DAG1: variants seen among roughly 807,000 people sequenced by gnomAD.
DAG1 encodes the protein dystroglycan 1 (dystrophin-associated glycoprotein 1).
In DAG1, 8 loss-of-function variants were observed where a neutral mutation model predicts 46.1. The observed-to-expected ratio is 0.17, with a 90% CI of 0.10 to 0.31. The LOEUF (loss-of-function observed/expected upper bound fraction) is 0.31, where lower values mean the gene tolerates loss of function less well. DAG1 is among the 10% of genes least tolerant of loss of function. The pLI is 1.00. For synonymous variants in DAG1, 495 were observed against 481.8 expected, an observed-to-expected ratio of 1.03 and a Z score of -0.36; for missense variants, 1,003 against 1,189.9, an observed-to-expected ratio of 0.84 and a Z score of 2.31.
At chr3:49,503,705 G>A (rs890228459) in intron 1 of DAG1, among the ~76,000 whole-genome samples, 2 of 152,052 alleles carry the variant, frequency 1.3e-5, no homozygotes, top group Non-Finnish European at 2.9e-5. Context: ...GCACATGCCT[G>A]TGGTCCCAGC....
chr3:49,533,040 C>G lies in DAG1; in HGVS notation c.2529C>G (p.Asn843Lys), dbSNP rs1374803301. 2 of 1,614,062 alleles carry G rather than the reference C, an allele frequency of 1.2e-6. No individual in the cohort carries two copies. Among genetic ancestry groups the G allele is most frequent in the South Asian group, 2.2e-5 (2 of 91,092 alleles). ...NQSVPETTPLNQDTMGEYTPL... is the reference protein window; with the variant it reads ...NQSVPETTPLKQDTMGEYTPL... ...GTGTGCCCGAGACCACTCCTCTGAACCAGGACACCATGGGAGAGTACACGC... is the reference window on the plus strand; with the variant it reads ...GTGTGCCCGAGACCACTCCTCTGAAGCAGGACACCATGGGAGAGTACACGC... Residue 843 changes from asparagine (N) to lysine (K), a missense_variant, in exon 3 of 3, where the codon AAC (asparagine) becomes AAG (lysine). Transcript: ENST00000308775.
Position 49,533,271 on chromosome 3 carries a change from G to A in DAG1, c.*72G>A, listed in dbSNP as rs529704573. The A allele has an allele frequency of 2.9e-4, 467 of 1,588,412 alleles. No individual in the cohort carries two copies. The highest frequency in any genetic ancestry group is 5.3e-4 in the Admixed American group (31 of 58,460). On this transcript the variant is annotated 3_prime_UTR_variant, in exon 3 of 3. Transcript: ENST00000308775. ...CGACATGGTGTTGTCTGTGGAGACC[G>A]GTGGCCTGCAGACCATTGCCCACCG...
intron 1 of DAG1, among the ~76,000 whole-genome samples, chr3:49,509,975 C>A (rs972796289): frequency 2.0e-5 from 3 of 152,176 alleles, no homozygotes; most frequent in African/African-American, 7.2e-5. Context: ...GTCATCCACC[C>A]ACCCTAGTCT....
Position 49,510,747 on chromosome 3 carries a change from G to A in DAG1, c.213G>A (p.Thr71=), listed in dbSNP as rs148703095. 1.9e-5 allele frequency: 31 copies of A among 1,614,194 alleles called. No homozygotes were observed. The highest frequency in any genetic ancestry group is 3.3e-4 in the Middle Eastern group (2 of 6,062). ...CAGTGGTTGGCATTCCTGATGGCAC[G>A]GCTGTCGTCGGGCGCTCATTTCGAG... ...VPTVVGIPDG[T]AVVGRSFRVT... is the part of the protein sequence containing the mutation. The change falls in exon 2 of 3, where the codon ACG becomes ACA. Residue 71 remains threonine (T), a synonymous_variant. Coordinates refer to ENST00000308775, the MANE Select transcript of DAG1 (RefSeq NM_004393.6).
chr3:49,530,212 G>GC (rs977066284), intron 2 of DAG1, among the ~76,000 whole-genome samples: 4 of 152,154 alleles, frequency 2.6e-5, no homozygotes, highest in South Asian at 2.1e-4. Flanking sequence ...ACACAAATGT[G>GC]CCCCACTACA....
Position 49,532,665 on chromosome 3 carries a change from T to C in DAG1, c.2154T>C (p.Phe718=), listed in dbSNP as rs757693304. The C allele has an allele frequency of 5.0e-6, 8 of 1,614,036 alleles. No homozygotes were observed. The East Asian group carries it at 6.7e-5, about 13-fold the overall frequency. ...CTGGCAGTTGTCGGCACCTACAGTT[T>C]ATCCCTGTGGTACCACCCAGGAGAG... is the stretch of plus-strand genomic sequence containing the variant. ...TGSGSCRHLQ[F]IPVVPPRRVP... Residue 718 remains phenylalanine (F), a synonymous_variant, in exon 3 of 3, where the codon TTT becomes TTC. Coordinates refer to ENST00000308775, the MANE Select transcript of DAG1 (RefSeq NM_004393.6). This position sits in a 1 kb window ranked among gnomAD's most constrained non-coding sequence, Gnocchi z 5.4.
rs2049758225 is a variant in DAG1, at chr3:49,478,519, G to A, written c.-117+8086G>A. Among the ~76,000 whole-genome samples the A allele has an allele frequency of 5.4e-5, 7 of 130,152 alleles. No individual in the cohort carries two copies. The Admixed American group carries it at 6.4e-4, about 12-fold the overall frequency. The allele number at this position is 130,152 out of a possible 152,430, so 85.4% of individuals were successfully genotyped here. A position where few individuals can be genotyped will look rare whatever the true frequency, so the allele number is the denominator to read the frequency against. ...AAGCTGAGGTGGGGGCATCTTTTGA[G>A]CCCAAGAGTTTTTTTTTTTTTTTTT... On this transcript the variant is annotated intron_variant, in intron 1 of 2. Transcript: ENST00000308775.
chr3:49,515,221 C>T (rs973973556), intron 2 of DAG1, among the ~76,000 whole-genome samples: 2 of 150,506 alleles, frequency 1.3e-5, no homozygotes, highest in Admixed American at 1.3e-4. Flanking sequence ...CTGCCTGCCT[C>T]GGCCTCCCAA....
chr3:49,509,710 A>G (rs2050709066), intron 1 of DAG1, among the ~76,000 whole-genome samples: 1 of 151,970 alleles, frequency 6.6e-6, no homozygotes, highest in Non-Finnish European at 1.5e-5. Context: ...ATTAATTTCA[A>G]TCATATATTT....
rs2051410584 is a variant in DAG1, at chr3:49,533,030, C to T, written c.2519C>T (p.Thr840Ile). Residue 840 changes from threonine to isoleucine, a missense_variant, in exon 3 of 3, where the codon ACT becomes ATT. Physicochemically the swap from Thr to Ile is moderately conservative, Grantham distance 89. Coordinates refer to ENST00000308775, the MANE Select transcript of DAG1 (RefSeq NM_004393.6). ...EYPNQSVPETTPLNQDTMGEY... is the reference protein window; with the variant it reads ...EYPNQSVPETIPLNQDTMGEY... ...CCCAACCAGAGTGTGCCCGAGACCA[C>T]TCCTCTGAACCAGGACACCATGGGA... 1.2e-6 allele frequency: 2 copies of T among 1,614,158 alleles called. No individual in the cohort carries two copies. The highest frequency in any genetic ancestry group is 1.7e-6 in the Non-Finnish European group (2 of 1,180,026).
At chr3:49,481,702 G>T (rs2049884993) in intron 1 of DAG1, among the ~76,000 whole-genome samples, 1 of 152,130 alleles carries the variant, frequency 6.6e-6, no homozygotes, top group African/African-American at 2.4e-5. Context: ...GATGAATGAA[G>T]CACTTGGAAG....
chr3:49,502,138 G>T (rs757531904), intron 1 of DAG1, among the ~76,000 whole-genome samples: 8 of 152,144 alleles, frequency 5.3e-5, no homozygotes, highest in Admixed American at 4.6e-4. Flanking sequence ...ACCATTTCCA[G>T]CCTGGGTGAC....
intron 1 of DAG1, chr3:49,488,600 GTTAT>G (rs933000135): frequency 6.6e-6 from 1 of 151,862 alleles, no homozygotes; most frequent in African/African-American, 2.4e-5. Flanking sequence ...AAAAGGAACG[GTTAT>G]TTATTTATTT....
intron 2 of DAG1, among the ~76,000 whole-genome samples, chr3:49,525,740 A>AGTAGAGACG (rs2051153458): frequency 6.7e-6 from 1 of 149,574 alleles, no homozygotes; most frequent in African/African-American, 2.5e-5. Context: ...TTTTATTTTT[A>AGTAGAGACG]GTAGAGACGG....
chr3:49,514,725 G>A (rs1403306354), intron 2 of DAG1, among the ~76,000 whole-genome samples: 3 of 151,236 alleles, frequency 2.0e-5, no homozygotes, highest in Non-Finnish European at 2.9e-5. Flanking sequence ...TGCAACCTCC[G>A]CCTCCCGGGT....
chr3:49,484,243 G>GA (rs2049957565), intron 1 of DAG1, among the ~76,000 whole-genome samples: 1 of 152,114 alleles, frequency 6.6e-6, no homozygotes, highest in Non-Finnish European at 1.5e-5. Flanking sequence ...CTGAGGATGT[G>GA]CTTTTTCCAA....
chr3:49,505,239 C>T (rs2050572417), intron 1 of DAG1, among the ~76,000 whole-genome samples: 1 of 152,068 alleles, frequency 6.6e-6, no homozygotes. Flanking sequence ...GCCTCAGCCT[C>T]CCAGATTGTT....
At chr3:49,502,776 C>T (rs62261196) in intron 1 of DAG1, among the ~76,000 whole-genome samples, 2 of 151,748 alleles carry the variant, frequency 1.3e-5, no homozygotes, top group Admixed American at 6.6e-5. Flanking sequence ...GTAGCTGGGA[C>T]TACAGGCGCC....
At chr3:49,499,619 G>C (rs932451814) in intron 1 of DAG1, among the ~76,000 whole-genome samples, 2 of 152,198 alleles carry the variant, frequency 1.3e-5, no homozygotes, top group African/African-American at 4.8e-5. Flanking sequence ...GAGTGGAACA[G>C]AGCCGCCTGT....
Sources: allele counts gnomAD v4.1 joint callset (sites outside exome capture counted in the v4.1 genomes callset), GRCh38; gene constraint gnomAD v4.1.1; non-coding constraint Gnocchi (gnomAD v3.1); transcripts MANE v1.5; gene names NCBI Gene and HGNC (gene_info 2026-07-23, HGNC 2026-07-21).